Variants in MYBBP1A observed in about 807,000 individuals in gnomAD.
MYBBP1A encodes the protein myb-binding protein 1A.
MYBBP1A carries 147 observed loss-of-function variants against 136.3 expected under a neutral mutation model. That is an observed-to-expected ratio of 1.08 (90% confidence interval 0.94 to 1.24). The LOEUF (loss-of-function observed/expected upper bound fraction) is 1.24, where lower values mean the gene tolerates loss of function less well. MYBBP1A is among the 50% of genes most tolerant of loss of function. MYBBP1A has a pLI of 0.00. For synonymous variants in MYBBP1A, 947 were observed against 735.8 expected, an observed-to-expected ratio of 1.29 and a Z score of -4.65; for missense variants, 2,060 against 1,727.4, an observed-to-expected ratio of 1.19 and a Z score of -3.41.
chr17:4,554,788 A>C (rs1907875818), intron 2 of MYBBP1A, 73 bp downstream of exon 2: 2 of 1,456,388 alleles, frequency 1.4e-6, no homozygotes, highest in South Asian at 1.2e-5. Flanking sequence ...CAGCTGAGAC[A>C]CCACACCCGC....
intron 8 of MYBBP1A, among the ~76,000 whole-genome samples, chr17:4,551,265 GGGCACCA>G (rs1907478296): frequency 6.6e-6 from 1 of 152,236 alleles, no homozygotes; most frequent in East Asian, 1.9e-4. Context: ...AGCACTTACT[GGGCACCA>G]GGCTCACTGG....
At position 4,539,298 on chromosome 17, in the gene MYBBP1A, C is replaced by A; in HGVS notation, c.*117G>T. ...GGGCAGGCGGCAACAGCCACCCTCC[C>A]CAGTGGCAGCGCCTTAGAAACAGCT... On this transcript the variant is annotated 3_prime_UTR_variant, in exon 26 of 26. Coordinates refer to ENST00000254718, the MANE Select transcript of MYBBP1A (RefSeq NM_014520.4). 1 of 1,496,108 alleles carries A rather than the reference C, an allele frequency of 6.7e-7. No individual in the cohort carries two copies. The highest frequency in any genetic ancestry group is 2.5e-4 in the Middle Eastern group (1 of 4,000). The allele number at this position is 1,496,108 out of a possible 1,614,324, so 92.7% of individuals were successfully genotyped here. A position where few individuals can be genotyped will look rare whatever the true frequency, so the allele number is the denominator to read the frequency against.
chr17:4,544,891 G>A lies in MYBBP1A; in HGVS notation c.2341C>T (p.Leu781=). 6.2e-7 allele frequency: 1 copy of A among 1,605,948 alleles called. No individual in the cohort carries two copies. Among genetic ancestry groups the A allele is most frequent in the South Asian group, 1.1e-5 (1 of 89,652 alleles). The part of the protein sequence containing the change: ...GGEDSENEEE[L]GDEAMMALDQ... ...AGGGCCATCATGGCCTCATCCCCCA[G>A]CTCCTCCTCGTTCTCACTGTCCTCT... The change falls in exon 18 of 26, where the codon CTG becomes TTG. Residue 781 remains leucine, a synonymous_variant. Transcript: ENST00000254718.
rs1348701056 is a variant in MYBBP1A at position 4,545,010 on chromosome 17, C to T, written c.2310+16G>A. Reference sequence around the variant, plus strand: ...AGCCCTCCCCGGCCGCCCCCCCCTCCACCTCCCCCACTCACCAGCGCCTTC... The same window carrying T: ...AGCCCTCCCCGGCCGCCCCCCCCTCTACCTCCCCCACTCACCAGCGCCTTC... On this transcript the variant is annotated intron_variant, in intron 17 of 25. Transcript: ENST00000254718. 1.9e-5 allele frequency: 28 copies of T among 1,476,940 alleles called. No individual in the cohort carries two copies. The highest frequency in any genetic ancestry group is 2.5e-5 in the Non-Finnish European group (28 of 1,112,332). 91.5% of individuals were successfully genotyped at this position (1,476,940 alleles called of 1,614,324 possible).
At position 4,539,580 on chromosome 17, in the gene MYBBP1A, T is replaced by G. The variant is rs1906158354; in HGVS notation, c.3822A>C (p.Gln1274His). The change falls in exon 26 of 26, where the codon CAA (glutamine) becomes CAC (histidine). Residue 1274 changes from glutamine (Q) to histidine (H), a missense_variant. Physicochemically the swap from Gln to His is conservative, Grantham distance 24. Transcript: ENST00000254718. The stretch of plus-strand genomic sequence containing the variant: ...TGGGAAGAGCCTTCTGATGCTGCTT[T>G]TGGCCTGCAGGTTCCGTGGGGGACC... Reference protein sequence around the residue: ...APGSPTEPAGQKQHQKALPKK... With the variant: ...APGSPTEPAGHKQHQKALPKK... The G allele has an allele frequency of 6.2e-7, 1 of 1,614,006 alleles. No individual in the cohort carries two copies. The highest frequency in any genetic ancestry group is 8.5e-7 in the Non-Finnish European group (1 of 1,180,032).
At chr17:4,541,995 G>C in intron 22 of MYBBP1A, 104 bp from the exon 23 acceptor site, 1 of 799,956 alleles carries the variant, frequency 1.3e-6, no homozygotes, top group Non-Finnish European at 2.0e-6. Flanking sequence ...GCTGTGGGCA[G>C]CGTGTGAGGC....
In MYBBP1A at chr17:4,549,348, T is replaced by C. The variant is rs750170055; in HGVS notation, c.1414A>G (p.Thr472Ala). ...AGCTCGCACCTGGCCACCTGCTCAG[T>C]CAAGGCCTCCTCCATCTCCAGGTGC... ...SLHLEMEEAL[T>A]EQVARFCLFH... Residue 472 changes from threonine to alanine, a missense_variant, in exon 10 of 26, where the codon ACT becomes GCT. By Grantham distance (58) the Thr-to-Ala change is moderately conservative. Transcript: ENST00000254718. 1.2e-6 allele frequency: 2 copies of C among 1,612,198 alleles called. No homozygotes were observed. Among genetic ancestry groups the C allele is most frequent in the Non-Finnish European group, 8.5e-7 (1 of 1,179,920 alleles).
chr17:4,542,818 A>G (rs1906577975), intron 20 of MYBBP1A, 77 bp from the exon 21 acceptor site: 4 of 1,600,904 alleles, frequency 2.5e-6, no homozygotes, highest in South Asian at 2.2e-5. Context: ...GCCTACCTTC[A>G]TCAGAAGGCT....
At chr17:4,543,413 C>T in intron 19 of MYBBP1A, 1 of 531,590 alleles carries the variant, frequency 1.9e-6, no homozygotes, top group East Asian at 2.9e-5. Context: ...GAGGCTGCAC[C>T]AAGGGCCAAC....
Position 4,544,920 on chromosome 17 carries a change from C to G in MYBBP1A, c.2312G>C (p.Gly771Ala). The change falls in exon 18 of 26, where the codon GGT becomes GCT. Residue 771 changes from glycine (G) to alanine (A), a missense_variant and splice_region_variant. Transcript: ENST00000254718. ...CTCCTCGTTCTCACTGTCCTCTCCA[C>G]CCTGAGGGACAGAGGCCCAGCGGTC... ...MTVLQAGKALGGEDSENEEEL... is the reference protein window; with the variant it reads ...MTVLQAGKALAGEDSENEEEL... 1 of 1,598,020 alleles carries G rather than the reference C, an allele frequency of 6.3e-7. No homozygotes were observed. The highest frequency in any genetic ancestry group is 8.5e-7 in the Non-Finnish European group (1 of 1,170,940).
rs138491507 is a variant in MYBBP1A at position 4,542,707 on chromosome 17, C to T, written c.2927G>A (p.Arg976Gln). 4.8e-4 allele frequency: 776 copies of T among 1,613,958 alleles called. 1 individual carries two copies. The highest frequency in any genetic ancestry group is 6.2e-4 in the Non-Finnish European group (732 of 1,179,948). Residue 976 changes from arginine to glutamine, a missense_variant, in exon 21 of 26, where the codon CGG becomes CAG. Coordinates refer to ENST00000254718, the MANE Select transcript of MYBBP1A (RefSeq NM_014520.4). ...ASCLDLNLVT[R>Q]VYSTALSSFL... Reference sequence around the variant, plus strand: ...GGAGCTCAGTGCTGTCGAGTACACCCGGGTCACCAGGTTCAAGTCCAAGCA... The same window carrying T: ...GGAGCTCAGTGCTGTCGAGTACACCTGGGTCACCAGGTTCAAGTCCAAGCA...
Position 4,545,114 on chromosome 17 carries a change from T to TC in MYBBP1A, c.2221dup (p.Glu741GlyfsTer36). ...GTCGCGCTCCTCCTCCTCGCTCTCCTCCCCCTCGCTCTCCTCTTCACTCTC... is the reference window on the plus strand; with the variant it reads ...GTCGCGCTCCTCCTCCTCGCTCTCCTCCCCCCTCGCTCTCCTCTTCACTCTC... On this transcript the variant is annotated frameshift_variant, in exon 17 of 26. Transcript: ENST00000254718. LOFTEE classifies it high-confidence loss of function. 1 of 1,607,910 alleles carries TC rather than the reference T, an allele frequency of 6.2e-7. No homozygotes were observed. Among genetic ancestry groups the TC allele is most frequent in the Non-Finnish European group, 8.5e-7 (1 of 1,177,656 alleles).
rs761477187 is a variant in MYBBP1A, at chr17:4,539,489, C to CTT, written c.3912_3913insAA (p.Val1305LysfsTer19). ...TGAAGCAGGCTGGGACTCCTGATGA[C>CTT]CAAAGACAGCCTTGCCTTTTTCCGT... On this transcript the variant is annotated frameshift_variant, in exon 26 of 26. Transcript: ENST00000254718. LOFTEE classifies it low-confidence loss of function (END_TRUNC). The CTT allele has an allele frequency of 1.9e-6, 3 of 1,614,176 alleles. No individual in the cohort carries two copies. The highest frequency in any genetic ancestry group is 2.5e-6 in the Non-Finnish European group (3 of 1,180,028).
chr17:4,549,508 G>A (rs1239875622), intron 9 of MYBBP1A, 66 bp from the exon 10 acceptor site: 7 of 1,421,378 alleles, frequency 4.9e-6, no homozygotes, highest in Non-Finnish European at 6.8e-6. Flanking sequence ...TGGGCCCAGT[G>A]GCTCACACCT....
In MYBBP1A at chr17:4,542,692, G is replaced by GCTGT. The variant is rs1178126862; in HGVS notation, c.2938_2941dup (p.Ala981AspfsTer69). The GCTGT allele has an allele frequency of 6.2e-7, 1 of 1,613,968 alleles. No individual in the cohort carries two copies. Among genetic ancestry groups the GCTGT allele is most frequent in the Non-Finnish European group, 8.5e-7 (1 of 1,179,968 alleles). On this transcript the variant is annotated frameshift_variant, in exon 21 of 26. Transcript: ENST00000254718. LOFTEE classifies it high-confidence loss of function. Reference sequence around the variant, plus strand: ...GCGCTTGGTCAGGAAGGAGCTCAGTGCTGTCGAGTACACCCGGGTCACCAG... The same window carrying GCTGT: ...GCGCTTGGTCAGGAAGGAGCTCAGTGCTGTCTGTCGAGTACACCCGGGTCACCAG...
intron 8 of MYBBP1A, among the ~76,000 whole-genome samples, chr17:4,551,140 C>A (rs1907468601): frequency 6.6e-6 from 1 of 152,188 alleles, no homozygotes; most frequent in African/African-American, 2.4e-5. Flanking sequence ...CACCACCATC[C>A]AACCCAAGCT....
rs756206296 is a variant in MYBBP1A at position 4,550,260 on chromosome 17, C to T, written c.1117G>A (p.Val373Met). 2.7e-5 allele frequency: 44 copies of T among 1,613,364 alleles called. No homozygotes were observed. Among genetic ancestry groups the T allele is most frequent in the Admixed American group, 1.3e-4 (8 of 60,014 alleles). ...GTGACAGATGAGAAGGCCACTAGCACGGCCAGCTGCCGCTCAGGGTCATCC... is the reference window on the plus strand; with the variant it reads ...GTGACAGATGAGAAGGCCACTAGCATGGCCAGCTGCCGCTCAGGGTCATCC... ...CQDDPERQLA[V>M]LVAFSSVTNQ... Residue 373 changes from valine (V) to methionine (M), a missense_variant, in exon 9 of 26, where the codon GTG becomes ATG. Coordinates refer to ENST00000254718, the MANE Select transcript of MYBBP1A (RefSeq NM_014520.4).
In MYBBP1A at chr17:4,547,958, CTTGAGGAGGTGG is replaced by C. The variant is rs1907144681; in HGVS notation, c.1812_1823del (p.Ile604_Lys608delinsMet). The C allele has an allele frequency of 6.6e-7, 1 of 1,504,872 alleles. No individual in the cohort carries two copies. The highest frequency in any genetic ancestry group is 1.4e-5 in the African/African-American group (1 of 72,116). The allele number at this position is 1,504,872 out of a possible 1,614,324, so 93.2% of individuals were successfully genotyped here. On this transcript the variant is annotated inframe_deletion and splice_region_variant, in exon 13 of 26. Transcript: ENST00000254718. ...GCCCCTCCCTCCCAGGCCCCAGTAC[CTTGAGGAGGTGG>C]ATGCCCACGAGGAGCAGAAGGTGCT...
In MYBBP1A at chr17:4,548,358, T is replaced by C. The variant is rs1303314568; in HGVS notation, c.1557-48A>G. 4 of 1,604,898 alleles carry C rather than the reference T, an allele frequency of 2.5e-6. No homozygotes were observed. Among genetic ancestry groups the C allele is most frequent in the Non-Finnish European group, 3.4e-6 (4 of 1,175,862 alleles). Reference sequence around the variant, plus strand: ...GGTCAGCAGACCAGATGAGTCAATGTAGCCGCCTCCCTCCGCCCTCCCCAG... The same window carrying C: ...GGTCAGCAGACCAGATGAGTCAATGCAGCCGCCTCCCTCCGCCCTCCCCAG... On this transcript the variant is annotated intron_variant, in intron 11 of 25. Coordinates refer to ENST00000254718, the MANE Select transcript of MYBBP1A (RefSeq NM_014520.4). The surrounding 1 kb of genome is among the most constrained non-coding windows in gnomAD (Gnocchi z 4.2).
Sources: allele counts gnomAD v4.1 joint callset (sites outside exome capture counted in the v4.1 genomes callset), GRCh38; gene constraint gnomAD v4.1.1; non-coding constraint Gnocchi (gnomAD v3.1); transcripts MANE v1.5; gene names NCBI Gene and HGNC (gene_info 2026-07-23, HGNC 2026-07-21).